FLT3: variants seen among roughly 807,000 people sequenced by gnomAD.
FLT3 encodes the protein fms related receptor tyrosine kinase 3.
FLT3 carries 46 observed loss-of-function variants against 126.6 expected under a neutral mutation model. The observed-to-expected ratio is 0.36, with a 90% CI of 0.29 to 0.46. The LOEUF (loss-of-function observed/expected upper bound fraction) is 0.46. FLT3 is among the 20% of genes least tolerant of loss of function. The pLI is 1.00. For missense variants in FLT3, 1,069 were observed against 1,190.3 expected, an observed-to-expected ratio of 0.90 and a Z score of 1.50; for synonymous variants, 404 against 434.4, an observed-to-expected ratio of 0.93 and a Z score of 0.87.
At chr13:28,071,492 C>T (rs895479357) in intron 1 of FLT3, among the ~76,000 whole-genome samples, 3 of 151,930 alleles carry the variant, frequency 2.0e-5, no homozygotes, top group African/African-American at 7.3e-5. Flanking sequence ...TGAATTATTT[C>T]TTTGATTCCT....
chr13:28,027,552 G>A (rs1465523296), intron 16 of FLT3, among the ~76,000 whole-genome samples: 1 of 152,222 alleles, frequency 6.6e-6, no homozygotes, highest in Admixed American at 6.5e-5. Context: ...TGTATTATAG[G>A]TGAACACTTG....
At chr13:28,052,788 AT>A (rs1020752200) in intron 4 of FLT3, 114 bp from the exon 5 acceptor site, 9 of 639,398 alleles carry the variant, frequency 1.4e-5, no homozygotes, top group Admixed American at 3.3e-5. Flanking sequence ...ACGTATACAT[AT>A]TTTTTTCTTT....
chr13:28,070,615 G>A lies in FLT3; in HGVS notation c.44-3C>T, dbSNP rs750310475. ...AAATATCATTGCAGAAAAAACAACTGTAAAACAAAATAAAAATGATAATGT... is the reference window on the plus strand; with the variant it reads ...AAATATCATTGCAGAAAAAACAACTATAAAACAAAATAAAAATGATAATGT... On this transcript the variant is annotated splice_polypyrimidine_tract_variant and splice_region_variant and intron_variant, in intron 1 of 23. Coordinates refer to ENST00000241453, the MANE Select transcript of FLT3 (RefSeq NM_004119.3). 4 of 1,591,052 alleles carry A rather than the reference G, an allele frequency of 2.5e-6. No individual in the cohort carries two copies. The South Asian group carries it at 4.4e-5, about 18-fold the overall frequency.
rs56734235 is a variant in FLT3, at chr13:28,019,721, C to T, written c.2419-1132G>A. ...TGCACTGACTGGCTTGGCACCCACA[C>T]AGTCTCGATCTGACGGGACCTCCCT... On this transcript the variant is annotated intron_variant, in intron 19 of 23. Coordinates refer to ENST00000241453, the MANE Select transcript of FLT3 (RefSeq NM_004119.3). Among the ~76,000 whole-genome samples the T allele has an allele frequency of 4.1e-4, 62 of 152,264 alleles. 2 individuals carry two copies. The highest frequency in any genetic ancestry group is 1.5e-3 in the African/African-American group (61 of 41,544).
chr13:28,056,114 T>C (rs9554226), intron 4 of FLT3, among the ~76,000 whole-genome samples: 17,719 of 152,196 alleles, frequency 0.12, 1,264 homozygotes, highest in South Asian at 0.17. Flanking sequence ...TCTGGGACTC[T>C]TGCGTGCTCT....
chr13:28,044,492 C>A (rs1037472837), intron 9 of FLT3, among the ~76,000 whole-genome samples: 3 of 151,500 alleles, frequency 2.0e-5, no homozygotes, highest in Non-Finnish European at 2.9e-5. Context: ...GTGGAAATTA[C>A]CCCTGACTAT....
At chr13:28,062,742 T>TAAAAAAAAAAAAA (rs1352990780) in intron 2 of FLT3, among the ~76,000 whole-genome samples, 3 of 3,902 alleles carry the variant, frequency 7.7e-4, no homozygotes, top group Non-Finnish European at 2.1e-3. Context: ...AAACTCTGTC[T>TAAAAAAAAAAAAA]CAAAAAAAAA....
In FLT3 at chr13:28,037,346, C is replaced by T. The variant is rs371026758; in HGVS notation, c.1206-58G>A. On this transcript the variant is annotated intron_variant, in intron 9 of 23. Transcript: ENST00000241453. ...CCAATTGCTACAGGAGATGCTGCAA[C>T]TAATGACAGTGTGCATGGGAGGTGT... 5 of 995,478 alleles carry T rather than the reference C, an allele frequency of 5.0e-6. No individual in the cohort carries two copies. The African/African-American group carries it at 7.9e-5, about 16-fold the overall frequency. 61.7% of individuals were successfully genotyped at this position (995,478 alleles called of 1,614,324 possible).
chr13:28,033,998 A>T lies in FLT3; in HGVS notation c.1838-7T>A, dbSNP rs370521954. On this transcript the variant is annotated splice_region_variant and splice_polypyrimidine_tract_variant and intron_variant, in intron 14 of 23. Coordinates refer to ENST00000241453, the MANE Select transcript of FLT3 (RefSeq NM_004119.3). Reference sequence around the variant, plus strand: ...CCTGATCCTAGTACCTTCCCTGCAAAGACAAATGGTGAGTACGTGCATTTT... The same window carrying T: ...CCTGATCCTAGTACCTTCCCTGCAATGACAAATGGTGAGTACGTGCATTTT... 26 of 1,613,922 alleles carry T rather than the reference A, an allele frequency of 1.6e-5. No homozygotes were observed. In the African/African-American group the frequency reaches 3.1e-4, roughly 19 times the overall value.
intron 2 of FLT3, among the ~76,000 whole-genome samples, chr13:28,062,855 C>A (rs1312822187): frequency 2.0e-5 from 3 of 151,838 alleles, no homozygotes; most frequent in African/African-American, 7.3e-5. Flanking sequence ...GGAGCAGATT[C>A]TTGCTCACTG....
intron 1 of FLT3, among the ~76,000 whole-genome samples, chr13:28,086,358 C>T (rs1263500611): frequency 6.6e-6 from 1 of 152,114 alleles, no homozygotes; most frequent in Non-Finnish European, 1.5e-5. Flanking sequence ...ATACTAGGAC[C>T]TTACACTGGC....
intron 1 of FLT3, among the ~76,000 whole-genome samples, chr13:28,072,817 C>T (rs1041950289): frequency 2.0e-4 from 30 of 151,426 alleles, no homozygotes; most frequent in Admixed American, 9.9e-4. Flanking sequence ...TCCTGGCTAA[C>T]GTGGTGAAAC....
chr13:28,085,336 T>G (rs12585699), intron 1 of FLT3, among the ~76,000 whole-genome samples: 2 of 125,444 alleles, frequency 1.6e-5, no homozygotes, highest in Non-Finnish European at 3.1e-5. Flanking sequence ...AGAGCCAGAC[T>G]CCATCTCAAA....
At chr13:28,037,130 A>T in intron 10 of FLT3, 55 bp downstream of exon 10, 1 of 1,067,506 alleles carries the variant, frequency 9.4e-7, no homozygotes, top group Non-Finnish European at 1.4e-6. Context: ...GTTAAGACTA[A>T]TAAAAAATTA....
At chr13:28,074,832 A>AT in intron 1 of FLT3, among the ~76,000 whole-genome samples, 1 of 151,464 alleles carries the variant, frequency 6.6e-6, no homozygotes, top group Non-Finnish European at 1.5e-5. Context: ...TAATTTTTGT[A>AT]TTTTTTGTCC....
chr13:28,085,083 G>A (rs1481001028), intron 1 of FLT3, among the ~76,000 whole-genome samples: 1 of 151,694 alleles, frequency 6.6e-6, no homozygotes, highest in Non-Finnish European at 1.5e-5. Flanking sequence ...GGTGGCTCAC[G>A]CCTGTGACAC....
chr13:28,012,961 G>C (rs1041390499), intron 23 of FLT3, among the ~76,000 whole-genome samples: 4 of 151,646 alleles, frequency 2.6e-5, no homozygotes, highest in African/African-American at 7.3e-5. Flanking sequence ...TGTATAGCTA[G>C]ACAGCTATAC....
At chr13:28,014,407 C>A in intron 23 of FLT3, 45 bp downstream of exon 23, 1 of 1,349,250 alleles carries the variant, frequency 7.4e-7, no homozygotes, top group South Asian at 1.2e-5. Context: ...TTTTAATTTA[C>A]CAATTTCCTT....
intron 16 of FLT3, 25 bp from the exon 17 acceptor site, chr13:28,027,266 T>C (rs374308183): frequency 6.3e-6 from 10 of 1,590,234 alleles, no homozygotes; most frequent in South Asian, 1.1e-5. Flanking sequence ...GTTTCAATTA[T>C]AGGCATACAC....
Sources: gnomAD v4.1 joint callset for allele counts (sites outside exome capture counted in the v4.1 genomes callset) on GRCh38, gnomAD v4.1.1 for gene constraint, MANE v1.5 for transcripts, NCBI Gene and HGNC (gene_info 2026-07-23, HGNC 2026-07-21) for gene names.